Variants in TENM4 observed in about 807,000 individuals in gnomAD.
The protein encoded by TENM4 is teneurin-4.
In TENM4, 82 loss-of-function variants were observed where a neutral mutation model predicts 243.3. The ratio of observed to expected loss-of-function variants is 0.34; its 90% CI spans 0.28 to 0.40. The LOEUF is 0.40. Among genes scored for constraint, TENM4 ranks in the 10% least tolerant of loss-of-function variants. The probability of loss-of-function intolerance (pLI) is 1.00; values close to 1 mark genes in which losing one functional copy is unlikely to be tolerated. For missense variants in TENM4, 3,138 were observed against 3,673.3 expected, an observed-to-expected ratio of 0.85 and a Z score of 3.77; for synonymous variants, 1,412 against 1,456.3, an observed-to-expected ratio of 0.97 and a Z score of 0.69.
chr11:79,416,462 T>C (rs1390953353), intron 1 of TENM4, among the ~76,000 whole-genome samples: 1 of 152,218 alleles, frequency 6.6e-6, no homozygotes, highest in East Asian at 1.9e-4. Context: ...ATTTCTCTAA[T>C]GACTAATGAT....
At chr11:78,943,037 G>A (rs1856936438) in intron 6 of TENM4, among the ~76,000 whole-genome samples, 2 of 152,068 alleles carry the variant, frequency 1.3e-5, no homozygotes, top group African/African-American at 2.4e-5. Flanking sequence ...GTCCTGCGAG[G>A]GTCTTTAGGA....
chr11:78,955,028 G>T (rs1857179529), intron 6 of TENM4, among the ~76,000 whole-genome samples: 1 of 152,204 alleles, frequency 6.6e-6, no homozygotes, highest in African/African-American at 2.4e-5. Context: ...GGCTTCTCCA[G>T]ATGAAGTTTG....
intron 3 of TENM4, among the ~76,000 whole-genome samples, chr11:79,210,368 A>G (rs1024112716): frequency 5.3e-5 from 8 of 152,210 alleles, no homozygotes; most frequent in African/African-American, 1.4e-4. Context: ...GTGCATGGGA[A>G]CTGTCATGAT....
intron 6 of TENM4, among the ~76,000 whole-genome samples, chr11:78,917,035 A>G (rs1278035761): frequency 6.6e-6 from 1 of 152,210 alleles, no homozygotes; most frequent in Non-Finnish European, 1.5e-5. Context: ...AAAACCCCTC[A>G]TGTATTTTTG....
At chr11:78,659,331 A>C (rs1857976064) in intron 33 of TENM4, among the ~76,000 whole-genome samples, 1 of 152,212 alleles carries the variant, frequency 6.6e-6, no homozygotes, top group Non-Finnish European at 1.5e-5. Flanking sequence ...GTCTAAGGAA[A>C]CCAAGGCTCA....
At chr11:78,759,739 A>C (rs1366652124) in intron 18 of TENM4, among the ~76,000 whole-genome samples, 1 of 152,194 alleles carries the variant, frequency 6.6e-6, no homozygotes, top group Non-Finnish European at 1.5e-5. Context: ...ATATATTACA[A>C]GGAATGCATC....
chr11:78,769,437 C>T (rs200105212), intron 18 of TENM4, among the ~76,000 whole-genome samples: 2 of 113,792 alleles, frequency 1.8e-5, no homozygotes, highest in Admixed American at 1.8e-4. Context: ...TAATATATAA[C>T]TCTACAACAG....
intron 1 of TENM4, among the ~76,000 whole-genome samples, chr11:79,417,391 C>CT (rs1036417678): frequency 3.5e-4 from 54 of 152,244 alleles, no homozygotes; most frequent in African/African-American, 1.1e-3. Flanking sequence ...CCCTCTTATC[C>CT]TTTTTTGTGC....
intron 14 of TENM4, among the ~76,000 whole-genome samples, 190 bp from the exon 15 acceptor site, chr11:78,805,682 A>G (rs1300721633): frequency 6.6e-6 from 1 of 152,208 alleles, no homozygotes; most frequent in African/African-American, 2.4e-5. Context: ...CCACCCAGGT[A>G]GAAATCCCTA....
chr11:79,084,433 C>T (rs1313172282), intron 4 of TENM4, among the ~76,000 whole-genome samples: 1 of 152,152 alleles, frequency 6.6e-6, no homozygotes, highest in Non-Finnish European at 1.5e-5. Flanking sequence ...TTCATAAAAG[C>T]TTTATTCATA....
intron 1 of TENM4, among the ~76,000 whole-genome samples, chr11:79,373,680 T>A (rs1351887191): frequency 6.6e-6 from 1 of 152,198 alleles, no homozygotes; most frequent in Non-Finnish European, 1.5e-5. Context: ...ATTATCATTT[T>A]AAAAAATGAA....
chr11:79,068,880 A>C (rs1860335894), intron 5 of TENM4, among the ~76,000 whole-genome samples: 1 of 152,294 alleles, frequency 6.6e-6, no homozygotes, highest in East Asian at 1.9e-4. Context: ...AAACAGAAAC[A>C]GATTTGGGGA....
At chr11:79,026,416 A>T (rs998782039) in intron 6 of TENM4, among the ~76,000 whole-genome samples, 1 of 152,156 alleles carries the variant, frequency 6.6e-6, no homozygotes, top group Non-Finnish European at 1.5e-5. Flanking sequence ...AAGCGAGTGG[A>T]AGGAAGGCTT....
chr11:79,341,944 T>C (rs1018263045), intron 1 of TENM4, among the ~76,000 whole-genome samples: 1 of 152,080 alleles, frequency 6.6e-6, no homozygotes, highest in Non-Finnish European at 1.5e-5. Context: ...GTAAAATGGA[T>C]ATAAGAATCC....
intron 6 of TENM4, among the ~76,000 whole-genome samples, chr11:78,936,887 G>C (rs2136441346): frequency 6.6e-6 from 1 of 152,184 alleles, no homozygotes; most frequent in Admixed American, 6.5e-5. Flanking sequence ...AATCAAGGTG[G>C]GGTTCACTTA....
At chr11:78,740,855 GA>G (rs1343443055) in intron 19 of TENM4, among the ~76,000 whole-genome samples, 1 of 152,182 alleles carries the variant, frequency 6.6e-6, no homozygotes, top group Non-Finnish European at 1.5e-5. Flanking sequence ...TGATAATTGG[GA>G]AACATTGAAT....
rs549227741 is a variant in TENM4, at chr11:79,259,790, G to T, written c.-265+37698C>A. Among the ~76,000 whole-genome samples the T allele has an allele frequency of 1.9e-3, 291 of 152,284 alleles. 3 individuals carry two copies. The highest frequency in any genetic ancestry group is 6.6e-3 in the African/African-American group (273 of 41,550). On this transcript the variant is annotated intron_variant, in intron 2 of 33. Transcript: ENST00000278550. The stretch of plus-strand genomic sequence containing the variant: ...CTACTATGTACTCACTATGGCGCTA[G>T]GTACCAGCAAGCAATTAAAAGAGAA...
intron 6 of TENM4, among the ~76,000 whole-genome samples, chr11:78,916,993 G>A (rs1393376159): frequency 1.3e-5 from 2 of 152,076 alleles, no homozygotes; most frequent in Non-Finnish European, 2.9e-5. Flanking sequence ...GAAGTACCTC[G>A]GCTACATGCA....
Position 79,102,851 on chromosome 11 carries a change from A to C in TENM4, c.-65-32842T>G, listed in dbSNP as rs554653005. ...AGTTTTTCATTTAACTTTTTTTTCC[A>C]GATGTTCTTATGGATTTTTTTTAAG... On this transcript the variant is annotated intron_variant, in intron 4 of 33. Coordinates refer to ENST00000278550, the MANE Select transcript of TENM4 (RefSeq NM_001098816.3). Among the ~76,000 whole-genome samples the C allele has an allele frequency of 1.3e-3, 194 of 152,078 alleles. 1 individual carries two copies. The highest frequency in any genetic ancestry group is 2.0e-3 in the Non-Finnish European group (133 of 68,018).
Sources: allele counts gnomAD v4.1 joint callset (sites outside exome capture counted in the v4.1 genomes callset), GRCh38; gene constraint gnomAD v4.1.1; transcripts MANE v1.5; gene names NCBI Gene and HGNC (gene_info 2026-07-23, HGNC 2026-07-21).